ANO7: variants seen among roughly 807,000 people sequenced by gnomAD.
The protein encoded by ANO7 is anoctamin 7, also known as anoctamin-7.
A neutral mutation model predicts 115.8 loss-of-function variants in ANO7; 114 were observed. The observed-to-expected ratio is 0.98, with a 90% CI of 0.85 to 1.15. ANO7 has a LOEUF of 1.15. ANO7 is among the 50% of genes most tolerant of loss of function. The pLI is 0.00. For missense variants in ANO7, 1,302 were observed against 1,201.2 expected (o/e 1.08, Z -1.24); for synonymous variants, 550 against 498.2 (o/e 1.10, Z -1.38).
intron 4 of ANO7, among the ~76,000 whole-genome samples, chr2:241,198,766 T>A (rs1157260034): frequency 6.6e-6 from 1 of 152,212 alleles, no homozygotes; most frequent in Middle Eastern, 3.2e-3. Context: ...CTGAATCAGA[T>A]CCCTGTCTCA....
In ANO7 at chr2:241,202,311, T is replaced by C; in HGVS notation, c.723+7T>C. ...CGCCTTCCCCCTGCATGACGTGAGCTCGGGGGCTGGGGGCTCCAGCCTGGG... is the reference window on the plus strand; with the variant it reads ...CGCCTTCCCCCTGCATGACGTGAGCCCGGGGGCTGGGGGCTCCAGCCTGGG... On this transcript the variant is annotated splice_region_variant and intron_variant, in intron 8 of 24. Transcript: ENST00000674324. 1 of 1,610,446 alleles carries C rather than the reference T, an allele frequency of 6.2e-7. No homozygotes were observed. Among genetic ancestry groups the C allele is most frequent in the Non-Finnish European group, 8.5e-7 (1 of 1,178,924 alleles).
At chr2:241,212,831 A>C in intron 17 of ANO7, 1 of 571,640 alleles carries the variant, frequency 1.7e-6, no homozygotes, top group African/African-American at 1.9e-5. Flanking sequence ...CCCCATTCAG[A>C]ACCACACCAA....
Position 241,225,788 on chromosome 2 carries a change from G to GGCCGGT in ANO7, c.*1637_*1638insCGGTGC. 6.6e-6 allele frequency among the ~76,000 whole-genome samples: 1 copy of GGCCGGT among 152,288 alleles called. No individual in the cohort carries two copies. The highest frequency in any genetic ancestry group is 1.9e-4 in the East Asian group (1 of 5,164). On this transcript the variant is annotated 3_prime_UTR_variant, in exon 25 of 25. Coordinates refer to ENST00000674324, the MANE Select transcript of ANO7 (RefSeq NM_001370694.2). The stretch of plus-strand genomic sequence containing the variant: ...GGGATGCAGGCTCACAGCGCCCTGG[G>GGCCGGT]GCTGGACACCACCGGCCGGAGCATG...
downstream of ANO7, chr2:241,230,319 G>T (rs1187627230): frequency 7.1e-6 from 8 of 1,130,970 alleles, no homozygotes; most frequent in Non-Finnish European, 1.0e-5. The surrounding 1 kb of genome is among the most constrained non-coding windows in gnomAD (Gnocchi z 5.0). Context: ...CGAGGAAAAG[G>T]GTTAAAATTA....
the ANO7 span, among the ~76,000 whole-genome samples, chr2:241,232,275 C>CTT: frequency 0.046 from 6,660 of 143,428 alleles, 226 homozygotes; most frequent in Non-Finnish European, 0.06. Flanking sequence ...TAAACAATGA[C>CTT]TTTTTTTTTT....
the ANO7 span, chr2:241,238,890 G>A: frequency 1.1e-6 from 1 of 928,296 alleles, no homozygotes; most frequent in Non-Finnish European, 1.5e-6. The surrounding 1 kb of genome is among the most constrained non-coding windows in gnomAD (Gnocchi z 4.9). Flanking sequence ...GTCCTCTACA[G>A]CCACTTGGCA....
chr2:241,210,243 T>G, intron 13 of ANO7, 52 bp from the exon 14 acceptor site: 1 of 1,576,646 alleles, frequency 6.3e-7, no homozygotes, highest in South Asian at 1.1e-5. Context: ...CTGAGGGTGC[T>G]GGGGTGCCCA....
At chr2:241,211,592 A>C (rs1355473976) in intron 15 of ANO7, among the ~76,000 whole-genome samples, 1 of 152,148 alleles carries the variant, frequency 6.6e-6, no homozygotes, top group Non-Finnish European at 1.5e-5. Flanking sequence ...GGTGTCAGGG[A>C]AAGACCTTTG....
Position 241,203,515 on chromosome 2 carries a change from G to A in ANO7, c.889+17G>A. 1.4e-6 allele frequency: 2 copies of A among 1,450,046 alleles called. No individual in the cohort carries two copies. Among genetic ancestry groups the A allele is most frequent in the South Asian group, 2.9e-5 (2 of 68,910 alleles). 89.8% of individuals were successfully genotyped at this position (1,450,046 alleles called of 1,614,324 possible). A position where few individuals can be genotyped will look rare whatever the true frequency, so the allele number is the denominator to read the frequency against. ...CCTGGCTCGGTGAGTCCCCCCCGCT[G>A]CCCCCCAGACCACCTGGGCCCCCCC... On this transcript the variant is annotated intron_variant, in intron 9 of 24. Transcript: ENST00000674324. The surrounding 1 kb of genome is among the most constrained non-coding windows in gnomAD (Gnocchi z 4.8).
chr2:241,205,003 G>A (rs999786633), intron 10 of ANO7, 48 bp downstream of exon 10: 1 of 1,559,846 alleles, frequency 6.4e-7, no homozygotes, highest in Non-Finnish European at 8.8e-7. Flanking sequence ...TGGGCCTCCA[G>A]ATGGGTGTGG....
In ANO7 at chr2:241,209,442, G is replaced by A. The variant is rs190860512; in HGVS notation, c.1221+14G>A. 25 of 1,597,952 alleles carry A rather than the reference G, an allele frequency of 1.6e-5. No homozygotes were observed. Among genetic ancestry groups the A allele is most frequent in the African/African-American group, 9.4e-5 (7 of 74,676 alleles). ...GAGGACACTGAGGTGAGCCACCCCC[G>A]CTGGACCACGGTCACACCCGGCGAG... On this transcript the variant is annotated intron_variant, in intron 12 of 24. Coordinates refer to ENST00000674324, the MANE Select transcript of ANO7 (RefSeq NM_001370694.2).
In ANO7 at chr2:241,218,273, C is replaced by A. The variant is rs779619224; in HGVS notation, c.2213C>A (p.Pro738Gln). The part of the protein sequence containing the change: ...FLLAFSSDFL[P>Q]RAYYRWTRAH... Reference sequence around the variant, plus strand: ...CTGGCCTTCTCGTCCGACTTCCTGCCGCGCGCCTACTACCGGTGGACCCGC... The same window carrying A: ...CTGGCCTTCTCGTCCGACTTCCTGCAGCGCGCCTACTACCGGTGGACCCGC... Residue 738 changes from proline to glutamine, a missense_variant, in exon 21 of 25, where the codon CCG becomes CAG. Physicochemically the swap from Pro to Gln is moderately conservative, Grantham distance 76 (BLOSUM62 -1). Coordinates refer to ENST00000674324, the MANE Select transcript of ANO7 (RefSeq NM_001370694.2). 1.3e-6 allele frequency: 2 copies of A among 1,533,840 alleles called. No individual in the cohort carries two copies. The highest frequency in any genetic ancestry group is 2.7e-5 in the East Asian group (1 of 37,182).
At chr2:241,212,731 C>A in intron 17 of ANO7, 105 bp downstream of exon 17, 1 of 1,295,756 alleles carries the variant, frequency 7.7e-7, no homozygotes, top group Non-Finnish European at 1.1e-6. Flanking sequence ...CCACCACCGG[C>A]TATTTCCATC....
chr2:241,239,455 G>A, the ANO7 span: 3 of 626,212 alleles, frequency 4.8e-6, no homozygotes, highest in African/African-American at 1.8e-5. This position sits in a 1 kb window ranked among gnomAD's most constrained non-coding sequence, Gnocchi z 4.6. Flanking sequence ...GAGGAAAGAA[G>A]AGCGAGCACC....
At chr2:241,211,410 C>T (rs1398121482) in intron 15 of ANO7, among the ~76,000 whole-genome samples, 2 of 152,350 alleles carry the variant, frequency 1.3e-5, no homozygotes, top group South Asian at 4.1e-4. Flanking sequence ...CTCTCACTAG[C>T]CCTGCTCTAG....
intron 19 of ANO7, among the ~76,000 whole-genome samples, chr2:241,216,451 C>T (rs1310197958): frequency 2.0e-5 from 3 of 152,224 alleles, no homozygotes; most frequent in Non-Finnish European, 4.4e-5. Flanking sequence ...TGGCTGAGGA[C>T]AGAGGGGCAC....
chr2:241,229,492 G>A (rs1379080738), downstream of ANO7: 1 of 788,166 alleles, frequency 1.3e-6, no homozygotes. Context: ...GAAGGGGGAA[G>A]AGCGTCAACA....
the ANO7 span, chr2:241,240,134 A>C: frequency 6.2e-7 from 1 of 1,613,710 alleles, no homozygotes; most frequent in South Asian, 1.1e-5. This position sits in a 1 kb window ranked among gnomAD's most constrained non-coding sequence, Gnocchi z 5.5. Context: ...TGCAGAAACC[A>C]ATCCCACTGT....
rs61741185 is a variant in ANO7 at position 241,224,505 on chromosome 2, C to T, written c.*352C>T. ...GGCAGGTGGGCTTTGTGGTCCTCGC[C>T]GCCCCTGGCCACATCGCCCTCTCCT... On this transcript the variant is annotated 3_prime_UTR_variant, in exon 25 of 25. Transcript: ENST00000674324. The T allele has an allele frequency of 3.6e-4, 110 of 306,002 alleles. No individual in the cohort carries two copies. Among genetic ancestry groups the T allele is most frequent in the African/African-American group, 2.1e-3 (97 of 46,716 alleles). 19.0% of individuals were successfully genotyped at this position (306,002 alleles called of 1,614,324 possible).
Sources: gnomAD v4.1 joint callset for allele counts (sites outside exome capture counted in the v4.1 genomes callset) on GRCh38, gnomAD v4.1.1 for gene constraint, Gnocchi (gnomAD v3.1) non-coding constraint, MANE v1.5 for transcripts, NCBI Gene and HGNC (gene_info 2026-07-23, HGNC 2026-07-21) for gene names.